ADAMTSL3: variants seen among roughly 807,000 people sequenced by gnomAD.
ADAMTSL3 encodes ADAMTS-like protein 3.
A neutral mutation model predicts 201.7 loss-of-function variants in ADAMTSL3; 128 were observed. The observed-to-expected ratio is 0.63, with a 90% CI of 0.55 to 0.73. The LOEUF is 0.73. Among genes scored for constraint, ADAMTSL3 ranks in the 30% least tolerant of loss-of-function variants. The pLI is 0.00. For missense variants in ADAMTSL3, 1,990 were observed against 2,119.6 expected, an observed-to-expected ratio of 0.94 and a Z score of 1.20; for synonymous variants, 738 against 748.4, an observed-to-expected ratio of 0.99 and a Z score of 0.23.
chr15:83,928,740 G>T (rs1293497999), intron 17 of ADAMTSL3, among the ~76,000 whole-genome samples: 1 of 152,096 alleles, frequency 6.6e-6, no homozygotes, highest in East Asian at 1.9e-4. Flanking sequence ...CATAAAGTTG[G>T]CATTACAACC....
chr15:83,821,817 G>A (rs1423135701), intron 6 of ADAMTSL3, among the ~76,000 whole-genome samples: 2 of 151,550 alleles, frequency 1.3e-5, no homozygotes, highest in East Asian at 3.9e-4. Flanking sequence ...CAGTAGGGGC[G>A]GCCGGGCAGA....
chr15:83,759,002 G>A (rs1445650624), intron 3 of ADAMTSL3, among the ~76,000 whole-genome samples: 1 of 152,076 alleles, frequency 6.6e-6, no homozygotes, highest in Non-Finnish European at 1.5e-5. Context: ...CTGCTTCCTT[G>A]TGTTCTGGCA....
intron 25 of ADAMTSL3, among the ~76,000 whole-genome samples, chr15:84,020,169 A>G (rs117702582): frequency 4.8e-4 from 73 of 152,288 alleles, no homozygotes; most frequent in Middle Eastern, 6.8e-3. Context: ...TCAATTAAAA[A>G]AACACACACA....
At chr15:83,717,793 T>A (rs1461253030) in intron 3 of ADAMTSL3, among the ~76,000 whole-genome samples, 1 of 152,226 alleles carries the variant, frequency 6.6e-6, no homozygotes, top group African/African-American at 2.4e-5. Context: ...CACATGAATT[T>A]CACTGAAGGT....
intron 2 of ADAMTSL3, among the ~76,000 whole-genome samples, chr15:83,659,533 C>T (rs2061135369): frequency 6.6e-6 from 1 of 152,284 alleles, no homozygotes; most frequent in East Asian, 1.9e-4. Flanking sequence ...GCCCTTTGAG[C>T]TCCTGTTGCC....
intron 3 of ADAMTSL3, among the ~76,000 whole-genome samples, chr15:83,768,155 G>T (rs545117480): frequency 1.2e-4 from 19 of 152,324 alleles, no homozygotes; most frequent in Admixed American, 6.5e-4. Context: ...TATTTTTGAA[G>T]AGGAAAAACA....
Position 83,965,747 on chromosome 15 carries a change from A to G in ADAMTSL3, c.2491-4737A>G, listed in dbSNP as rs1266111432. Among the ~76,000 whole-genome samples, 125 of 152,200 alleles carry G rather than the reference A, an allele frequency of 8.2e-4. 1 individual carries two copies. Among genetic ancestry groups the G allele is most frequent in the Non-Finnish European group, 1.6e-4 (11 of 68,032 alleles). On this transcript the variant is annotated intron_variant, in intron 19 of 29. Transcript: ENST00000286744. ...GAATATACATTCTTCTCAGCACCAT[A>G]TCACACTTATTCTGAAATTGACCAC... is the stretch of plus-strand genomic sequence containing the variant.
intron 2 of ADAMTSL3, among the ~76,000 whole-genome samples, chr15:83,688,240 A>G (rs539850965): frequency 1.1e-4 from 17 of 152,356 alleles, no homozygotes; most frequent in African/African-American, 2.4e-4. Flanking sequence ...TAAAATTTCT[A>G]ACTTCTAAGG....
At chr15:83,763,696 G>A (rs934905316) in intron 3 of ADAMTSL3, among the ~76,000 whole-genome samples, 13 of 152,104 alleles carry the variant, frequency 8.5e-5, no homozygotes, top group South Asian at 2.1e-4. Flanking sequence ...TAGTAGAGAC[G>A]AGGTTTCACC....
chr15:83,720,780 A>T (rs2062089055), intron 3 of ADAMTSL3, among the ~76,000 whole-genome samples: 1 of 152,178 alleles, frequency 6.6e-6, no homozygotes, highest in Admixed American at 6.5e-5. Flanking sequence ...AAGCAGCTTT[A>T]TTTCCTGCCC....
intron 3 of ADAMTSL3, among the ~76,000 whole-genome samples, chr15:83,747,081 G>T (rs1408779976): frequency 6.6e-6 from 1 of 152,192 alleles, no homozygotes; most frequent in Non-Finnish European, 1.5e-5. Context: ...ACTAATAGAA[G>T]TGATGGGTTA....
At chr15:83,725,340 C>G (rs930760136) in intron 3 of ADAMTSL3, among the ~76,000 whole-genome samples, 2 of 152,092 alleles carry the variant, frequency 1.3e-5, no homozygotes, top group Non-Finnish European at 1.5e-5. Context: ...CCTGTTTGGA[C>G]TCAAGTGATC....
intron 6 of ADAMTSL3, among the ~76,000 whole-genome samples, chr15:83,835,520 G>C (rs2064250645): frequency 6.6e-6 from 1 of 152,136 alleles, no homozygotes; most frequent in Non-Finnish European, 1.5e-5. Context: ...TTCAAAACAA[G>C]CCCCTCCTAG....
In ADAMTSL3 at chr15:83,764,395, G is replaced by A. The variant is rs971632870; in HGVS notation, c.190-9128G>A. On this transcript the variant is annotated intron_variant, in intron 3 of 29. Transcript: ENST00000286744. ...TCCACTCTCCACCCTTCCCTGCCCCGCGCTCCACCCAATGGGAAGCTGACC... is the reference window on the plus strand; with the variant it reads ...TCCACTCTCCACCCTTCCCTGCCCCACGCTCCACCCAATGGGAAGCTGACC... Among the ~76,000 whole-genome samples the A allele has an allele frequency of 5.3e-5, 8 of 152,094 alleles. No individual in the cohort carries two copies. In the South Asian group the frequency reaches 8.3e-4, roughly 16 times the overall value.
At chr15:83,661,578 CTGTT>C (rs1413941134) in intron 2 of ADAMTSL3, among the ~76,000 whole-genome samples, 2 of 152,230 alleles carry the variant, frequency 1.3e-5, no homozygotes, top group South Asian at 4.2e-4. Context: ...ATTTGGCTCT[CTGTT>C]TGTCTTTTGT....
At chr15:84,000,893 C>T (rs973816891) in intron 23 of ADAMTSL3, among the ~76,000 whole-genome samples, 3 of 152,042 alleles carry the variant, frequency 2.0e-5, no homozygotes, top group African/African-American at 7.2e-5. Context: ...TAAGTGTGGA[C>T]CAGAATGTGA....
At position 83,836,386 on chromosome 15, in the gene ADAMTSL3, T is replaced by C. The variant is rs146524119; in HGVS notation, c.601-1703T>C. On this transcript the variant is annotated intron_variant, in intron 6 of 29. Transcript: ENST00000286744. The stretch of plus-strand genomic sequence containing the variant: ...TGATAGCTCTTTGTGAATTTGAAAA[T>C]ATCTCTAATCATAAGCTATTCTCTA... Among the ~76,000 whole-genome samples, 739 of 152,332 alleles carry C rather than the reference T, an allele frequency of 4.9e-3. 12 individuals are homozygous for C. Among genetic ancestry groups the C allele is most frequent in the Admixed American group, 0.037 (563 of 15,308 alleles).
intron 6 of ADAMTSL3, among the ~76,000 whole-genome samples, chr15:83,837,015 AAT>A (rs1006395976): frequency 2.0e-5 from 3 of 152,210 alleles, no homozygotes; most frequent in African/African-American, 7.2e-5. Context: ...ATAAAAAAGA[AAT>A]ATAAGACATG....
intron 17 of ADAMTSL3, among the ~76,000 whole-genome samples, chr15:83,933,199 A>C (rs1464761185): frequency 2.6e-5 from 4 of 152,234 alleles, no homozygotes; most frequent in African/African-American, 9.6e-5. Flanking sequence ...ACCCAGAATA[A>C]AGCATGGAGA....
Sources: allele counts gnomAD v4.1 joint callset (sites outside exome capture counted in the v4.1 genomes callset), GRCh38; gene constraint gnomAD v4.1.1; transcripts MANE v1.5; gene names NCBI Gene and HGNC (gene_info 2026-07-23, HGNC 2026-07-21).